The following DLC1 variants were observed in gnomAD, a reference collection of about 807,000 sequenced individuals.
DLC1 encodes rho GTPase-activating protein 7.
A neutral mutation model predicts 140.3 loss-of-function variants in DLC1; 54 were observed. That is an observed-to-expected ratio of 0.38 (90% CI 0.31 to 0.48). The LOEUF is 0.48. Ranked by LOEUF, DLC1 falls within the 20% of genes least tolerant of loss-of-function variation. DLC1 has a pLI of 0.96. For synonymous variants in DLC1, 986 were observed against 728.1 expected (o/e 1.35, Z -5.70); for missense variants, 2,536 against 1,907.0 (o/e 1.33, Z -6.14).
intron 1 of DLC1, among the ~76,000 whole-genome samples, chr8:13,522,680 T>C (rs1256092918): frequency 6.6e-6 from 1 of 151,214 alleles, no homozygotes; most frequent in East Asian, 1.9e-4. Flanking sequence ...AATAAGTAAA[T>C]TATGTAGTAT....
intron 1 of DLC1, among the ~76,000 whole-genome samples, chr8:13,547,145 A>T (rs1320699627): frequency 6.6e-6 from 1 of 152,138 alleles, no homozygotes; most frequent in Non-Finnish European, 1.5e-5. Flanking sequence ...ATTATCTTGT[A>T]TGAAGAACAG....
chr8:13,125,233 T>G (rs1821451143), intron 5 of DLC1, among the ~76,000 whole-genome samples: 1 of 152,194 alleles, frequency 6.6e-6, no homozygotes, highest in African/African-American at 2.4e-5. Context: ...CGCCTTGGCC[T>G]CCCAAAGTGC....
At chr8:13,288,228 T>A (rs1389621657) in intron 5 of DLC1, among the ~76,000 whole-genome samples, 1 of 152,216 alleles carries the variant, frequency 6.6e-6, no homozygotes, top group African/African-American at 2.4e-5. Context: ...TTATAGTGTA[T>A]CATTTAAAAA....
At position 13,149,043 on chromosome 8, in the gene DLC1, C is replaced by T. The variant is rs569121137; in HGVS notation, c.1349-33386G>A. On this transcript the variant is annotated intron_variant, in intron 5 of 17. Transcript: ENST00000276297. ...TCCTGACCTCGTGATCTGCCCACCTCGGCCTCCCAAAGTGCTGGGATTACA... is the reference window on the plus strand; with the variant it reads ...TCCTGACCTCGTGATCTGCCCACCTTGGCCTCCCAAAGTGCTGGGATTACA... Among the ~76,000 whole-genome samples the T allele has an allele frequency of 6.6e-3, 1,011 of 152,236 alleles. 17 individuals carry two copies. Among genetic ancestry groups the T allele is most frequent in the African/African-American group, 0.023 (974 of 41,550 alleles).
intron 2 of DLC1, among the ~76,000 whole-genome samples, chr8:13,494,495 G>C (rs1326831919): frequency 6.6e-6 from 1 of 152,142 alleles, no homozygotes; most frequent in Admixed American, 6.5e-5. Context: ...AGGAGGACTC[G>C]AGAGCAGAGA....
intron 1 of DLC1, among the ~76,000 whole-genome samples, chr8:13,569,616 TC>T (rs958543047): frequency 1.1e-4 from 17 of 152,186 alleles, no homozygotes; most frequent in African/African-American, 4.1e-4. Flanking sequence ...CTTTTGTTCT[TC>T]CTTTTTATTT....
intron 4 of DLC1, among the ~76,000 whole-genome samples, chr8:13,347,240 T>C (rs1834383927): frequency 6.6e-6 from 1 of 152,228 alleles, no homozygotes; most frequent in Admixed American, 6.5e-5. Flanking sequence ...GAAACAAGTA[T>C]GTGGCTATGA....
At chr8:13,211,189 C>T (rs1827924259) in intron 5 of DLC1, among the ~76,000 whole-genome samples, 2 of 152,190 alleles carry the variant, frequency 1.3e-5, no homozygotes, top group South Asian at 4.1e-4. Context: ...GTTCTGGGAA[C>T]TCCTTGCCCC....
At chr8:13,257,877 C>G (rs888156763) in intron 5 of DLC1, among the ~76,000 whole-genome samples, 2 of 152,142 alleles carry the variant, frequency 1.3e-5, no homozygotes, top group Non-Finnish European at 2.9e-5. Flanking sequence ...CAGGAGCAAG[C>G]TTTGTATGCA....
Position 13,567,840 on chromosome 8 carries a change from G to A in DLC1, c.-126+36697C>T. The A allele has an allele frequency of 3.9e-6, 6 of 1,551,870 alleles. No individual in the cohort carries two copies. In the South Asian group the frequency reaches 5.9e-5, roughly 15 times the overall value. On this transcript the variant is annotated intron_variant, in intron 1 of 1. Transcript: ENST00000631382. Reference sequence around the variant, plus strand: ...GTTTTGAAAGATCAGAGACAGAGCAGAAGTTGCAGCGAGATGGAAATAGTG... The same window carrying A: ...GTTTTGAAAGATCAGAGACAGAGCAAAAGTTGCAGCGAGATGGAAATAGTG...
At chr8:13,549,752 A>AC (rs1803780234) in intron 1 of DLC1, among the ~76,000 whole-genome samples, 1 of 152,126 alleles carries the variant, frequency 6.6e-6, no homozygotes, top group African/African-American at 2.4e-5. Flanking sequence ...TGAGGGTGTT[A>AC]CTGCCAAAAA....
chr8:13,502,689 A>T (rs578226685), intron 1 of DLC1, among the ~76,000 whole-genome samples: 2 of 152,346 alleles, frequency 1.3e-5, no homozygotes, highest in Admixed American at 1.3e-4. Context: ...TTCTCCTGTG[A>T]GCCTCCTCAC....
chr8:13,092,901 T>C, intron 12 of DLC1, 76 bp from the exon 13 acceptor site: 1 of 1,491,504 alleles, frequency 6.7e-7, no homozygotes, highest in Non-Finnish European at 9.1e-7. Context: ...CCAGAGCAAA[T>C]ATCGGCATCA....
intron 1 of DLC1, among the ~76,000 whole-genome samples, chr8:13,604,184 A>T (rs1805974078): frequency 6.6e-6 from 1 of 152,174 alleles, no homozygotes; most frequent in Non-Finnish European, 1.5e-5. Context: ...TAAATTTAAC[A>T]AATATTTTCA....
intron 1 of DLC1, among the ~76,000 whole-genome samples, chr8:13,566,418 A>G (rs1804431301): frequency 7.1e-6 from 1 of 140,594 alleles, no homozygotes; most frequent in Non-Finnish European, 1.5e-5. Context: ...ACAGAACACT[A>G]CTTCTTACAG....
chr8:13,430,067 T>C (rs1006424425), intron 2 of DLC1, among the ~76,000 whole-genome samples: 6 of 152,196 alleles, frequency 3.9e-5, no homozygotes, highest in Admixed American at 1.3e-4. Context: ...GGAACAATTA[T>C]AGTATTCAGA....
chr8:13,120,356 A>AAAAAAAAATATAT, intron 5 of DLC1, among the ~76,000 whole-genome samples: 8 of 61,124 alleles, frequency 1.3e-4, no homozygotes, highest in Admixed American at 2.7e-4. Context: ...AAAAAAAAAA[A>AAAAAAAAATATAT]ATATATATAT....
chr8:13,412,425 G>A (rs1372807738), intron 2 of DLC1, among the ~76,000 whole-genome samples: 1 of 151,986 alleles, frequency 6.6e-6, no homozygotes, highest in East Asian at 1.9e-4. Flanking sequence ...TTACTTGCAC[G>A]CATGCAAAGA....
chr8:13,178,914 C>T (rs944100303), intron 5 of DLC1, among the ~76,000 whole-genome samples: 8 of 151,990 alleles, frequency 5.3e-5, no homozygotes, highest in Non-Finnish European at 7.4e-5. Context: ...AAATATACAC[C>T]GAATACCAAT....
Sources: gnomAD v4.1 joint callset for allele counts (sites outside exome capture counted in the v4.1 genomes callset) on GRCh38, gnomAD v4.1.1 for gene constraint, MANE v1.5 for transcripts, NCBI Gene and HGNC (gene_info 2026-07-23, HGNC 2026-07-21) for gene names.